LRRC37B: variants seen among roughly 807,000 people sequenced by gnomAD.
The protein encoded by LRRC37B is leucine rich repeat containing 37B, also known as leucine-rich repeat-containing protein 37B.
In LRRC37B, 28 loss-of-function variants were observed where a neutral mutation model predicts 98.3. That is an observed-to-expected ratio of 0.28 (90% CI 0.21 to 0.39). The LOEUF (loss-of-function observed/expected upper bound fraction) is 0.39, where lower values mean the gene tolerates loss of function less well. LRRC37B is among the 10% of genes least tolerant of loss of function. LRRC37B has a pLI of 1.00. For missense variants in LRRC37B, 938 were observed against 1,182.7 expected, an observed-to-expected ratio of 0.79 and a Z score of 3.03; for synonymous variants, 364 against 442.7, an observed-to-expected ratio of 0.82 and a Z score of 2.23.
At chr17:32,035,699 A>T (rs1441897765) in intron 7 of LRRC37B, 60 bp downstream of exon 10, 10 of 1,483,002 alleles carry the variant, frequency 6.7e-6, no homozygotes, top group Non-Finnish European at 9.3e-6. Flanking sequence ...TTGTTTTATT[A>T]TTTTCTTAAG....
chr17:32,050,087 A>G (rs1911708926), exon 11 of LRRC37B: 1 of 1,549,646 alleles, frequency 6.5e-7, no homozygotes, highest in African/African-American at 1.4e-5. Flanking sequence ...AATTTTGATT[A>G]TAATTTTTTG....
intron 3 of LRRC37B, among the ~76,000 whole-genome samples, chr17:32,030,287 T>G (rs1202393502): frequency 1.3e-5 from 2 of 152,040 alleles, no homozygotes; most frequent in Non-Finnish European, 2.9e-5. Context: ...AAAGCTAAAC[T>G]AGGAAGGTGT....
At chr17:32,047,206 G>A (rs937178735) in intron 8 of LRRC37B, 1 of 166,670 alleles carries the variant, frequency 6.0e-6, no homozygotes, top group African/African-American at 2.4e-5. Flanking sequence ...GTGGGTGGGT[G>A]GAGCACATGC....
In LRRC37B at chr17:32,021,882, G is replaced by A. The variant is rs376305128; in HGVS notation, c.817G>A (p.Asp273Asn). Residue 273 changes from aspartate to asparagine, a missense_variant, in exon 1 of 12, where the codon GAT (aspartate) becomes AAT (asparagine). Physicochemically the swap from Asp to Asn is conservative, Grantham distance 23 (BLOSUM62 1). Coordinates refer to ENST00000327564, the Ensembl canonical transcript of LRRC37B. ...ACCTCCAGAACTCCGGGTGAACGCA[G>A]ATGAGCCTCCAGGGCCTCCTGAGCA... is the stretch of plus-strand genomic sequence containing the variant. 7 of 1,614,072 alleles carry A rather than the reference G, an allele frequency of 4.3e-6. No individual in the cohort carries two copies. In the African/African-American group the frequency reaches 8.0e-5, roughly 18 times the overall value.
At chr17:32,027,444 CTTGCCTG>C in intron 2 of LRRC37B, among the ~76,000 whole-genome samples, 1 of 97,510 alleles carries the variant, frequency 1.0e-5, no homozygotes, top group African/African-American at 5.5e-5. Flanking sequence ...TGTGTGTGTG[CTTGCCTG>C]TGTGTGTGTG....
intron 8 of LRRC37B, chr17:32,047,150 C>T (rs1466122994): frequency 4.4e-5 from 7 of 157,902 alleles, no homozygotes; most frequent in African/African-American, 1.2e-4. Flanking sequence ...TTTTCCATGT[C>T]GCATCTTCTG....
rs573558934 is a variant in LRRC37B at position 32,014,377 on chromosome 17, C to A, written c.-190-3595C>A. ...ATCTTTAAAGTACTGAGAGAAATGT[C>A]AATCCAGAATTCTATATCCAGCAAA... On this transcript the variant is annotated intron_variant, in intron 1 of 14. Coordinates refer to the LRRC37B transcript ENST00000543378. Among the ~76,000 whole-genome samples, 19 of 152,194 alleles carry A rather than the reference C, an allele frequency of 1.2e-4. No homozygotes were observed. In the East Asian group the frequency reaches 2.1e-3, roughly 17 times the overall value.
chr17:32,039,485 T>A (rs866868786), intron 7 of LRRC37B, among the ~76,000 whole-genome samples: 10 of 16,966 alleles, frequency 5.9e-4, no homozygotes, highest in African/African-American at 2.5e-3. Context: ...TAAAAATATA[T>A]ATATATATAT....
At chr17:32,046,273 G>A (rs1268466986) in intron 8 of LRRC37B, among the ~76,000 whole-genome samples, 3 of 152,188 alleles carry the variant, frequency 2.0e-5, no homozygotes, top group Admixed American at 6.5e-5. Flanking sequence ...TAGAAGTGAT[G>A]CTGTTTTATT....
At chr17:32,044,307 C>G (rs1462279068) in intron 7 of LRRC37B, among the ~76,000 whole-genome samples, 1 of 152,170 alleles carries the variant, frequency 6.6e-6, no homozygotes, top group Non-Finnish European at 1.5e-5. Flanking sequence ...AGAATCCAGT[C>G]AAAGATCAGG....
intron 2 of LRRC37B, among the ~76,000 whole-genome samples, chr17:32,026,093 G>A (rs1315790049): frequency 2.6e-5 from 4 of 152,134 alleles, no homozygotes; most frequent in African/African-American, 7.2e-5. Flanking sequence ...TTTATAGAAG[G>A]AATTAGTTGA....
At chr17:32,024,951 G>A (rs907658010) in intron 2 of LRRC37B, among the ~76,000 whole-genome samples, 169 bp downstream of exon 5, 7 of 145,118 alleles carry the variant, frequency 4.8e-5, no homozygotes, top group Non-Finnish European at 9.2e-5. Context: ...AATTTGGTAG[G>A]CTCTCTCTAA....
intron 7 of LRRC37B, among the ~76,000 whole-genome samples, chr17:32,038,364 T>C (rs1311040271): frequency 6.6e-6 from 1 of 151,354 alleles, no homozygotes. Flanking sequence ...GAAGCTGAGG[T>C]GGGAGGATTG....
chr17:32,023,431 C>T (rs1231039625), intron 1 of LRRC37B, among the ~76,000 whole-genome samples: 2 of 152,168 alleles, frequency 1.3e-5, no homozygotes, highest in Non-Finnish European at 2.9e-5. Flanking sequence ...CCCGCTTCAC[C>T]CTCTTTACAG....
intron 1 of LRRC37B, 29 bp downstream of exon 1, chr17:32,008,161 T>G (rs750426525): frequency 7.1e-6 from 2 of 283,274 alleles, no homozygotes; most frequent in Non-Finnish European, 1.4e-5. Flanking sequence ...TGCTGCAGAC[T>G]CATTCCCCAC....
At chr17:32,043,170 A>G (rs1911491147) in intron 7 of LRRC37B, among the ~76,000 whole-genome samples, 1 of 152,250 alleles carries the variant, frequency 6.6e-6, no homozygotes, top group African/African-American at 2.4e-5. Flanking sequence ...TCCAGATGAA[A>G]GTTATACAGG....
At chr17:32,016,176 C>T (rs754836310), upstream of LRRC37B, among the ~76,000 whole-genome samples, 1 of 152,164 alleles carries the variant, frequency 6.6e-6, no homozygotes, top group Non-Finnish European at 1.5e-5. Context: ...TACAAAGGAA[C>T]AGAAAATTTT....
At chr17:32,032,451 A>G (rs1911136897) in intron 5 of LRRC37B, among the ~76,000 whole-genome samples, 2 of 152,190 alleles carry the variant, frequency 1.3e-5, no homozygotes, top group Non-Finnish European at 2.9e-5. Flanking sequence ...CCGTAAGTGC[A>G]AAAATTCTAT....
chr17:32,038,510 T>C (rs1044056593), intron 7 of LRRC37B, among the ~76,000 whole-genome samples: 2 of 151,940 alleles, frequency 1.3e-5, no homozygotes, highest in Non-Finnish European at 2.9e-5. Flanking sequence ...CTTATAGATA[T>C]GTGTTTGGTA....
Sources: allele counts gnomAD v4.1 joint callset (sites outside exome capture counted in the v4.1 genomes callset), GRCh38; gene constraint gnomAD v4.1.1; transcripts MANE v1.5; gene names NCBI Gene and HGNC (gene_info 2026-07-23, HGNC 2026-07-21).